Variants in EXOC6B observed in about 807,000 individuals in gnomAD.
The protein encoded by EXOC6B is exocyst complex component 6B.
EXOC6B carries 54 observed loss-of-function variants against 113.5 expected under a neutral mutation model. The observed-to-expected ratio is 0.48, with a 90% CI of 0.38 to 0.60. EXOC6B has a LOEUF of 0.60. Among genes scored for constraint, EXOC6B ranks in the 20% least tolerant of loss-of-function variants. EXOC6B has a pLI of 0.00. For missense variants in EXOC6B, 797 were observed against 977.5 expected (o/e 0.82, Z 2.46); for synonymous variants, 357 against 339.0 (o/e 1.05, Z -0.58).
chr2:72,475,558 C>T (rs1405420850), intron 17 of EXOC6B, among the ~76,000 whole-genome samples: 1 of 152,074 alleles, frequency 6.6e-6, no homozygotes, highest in African/African-American at 2.4e-5. Flanking sequence ...TGTGCTCTGG[C>T]ACAGGGGTTG....
At chr2:72,303,188 C>T (rs1235183263) in intron 20 of EXOC6B, among the ~76,000 whole-genome samples, 2 of 152,104 alleles carry the variant, frequency 1.3e-5, no homozygotes, top group Admixed American at 1.3e-4. Context: ...GAGAGATTTG[C>T]TGTTAGCCTG....
chr2:72,734,205 T>C (rs1403276204), intron 2 of EXOC6B, among the ~76,000 whole-genome samples: 1 of 152,172 alleles, frequency 6.6e-6, no homozygotes, highest in Non-Finnish European at 1.5e-5. Context: ...ATACCTGGAC[T>C]ATCATTCAAA....
At chr2:72,293,044 A>C (rs556640234) in intron 20 of EXOC6B, among the ~76,000 whole-genome samples, 107 of 152,296 alleles carry the variant, frequency 7.0e-4, no homozygotes, top group Admixed American at 1.5e-3. Context: ...CTAGGAAAAA[A>C]TGCCAGAAGT....
intron 6 of EXOC6B, among the ~76,000 whole-genome samples, chr2:72,585,049 A>C (rs1033299916): frequency 6.6e-6 from 1 of 152,202 alleles, no homozygotes; most frequent in African/African-American, 2.4e-5. Context: ...CATCTACCTA[A>C]AAAAGTTAGA....
Position 72,813,493 on chromosome 2 carries a change from A to C in EXOC6B, c.113+12305T>G, listed in dbSNP as rs559827729. Among the ~76,000 whole-genome samples the C allele has an allele frequency of 3.3e-5, 5 of 152,252 alleles. No individual in the cohort carries two copies. In the South Asian group the frequency reaches 8.3e-4, roughly 25 times the overall value. ...GGGTTTCAAGAGCTTTTCTCATTTC[A>C]CTTTCCTCTTATTTTTGCTACTCCA... On this transcript the variant is annotated intron_variant, in intron 1 of 21. Transcript: ENST00000272427.
chr2:72,673,060 T>A (rs1263454515), intron 6 of EXOC6B, among the ~76,000 whole-genome samples: 1 of 152,142 alleles, frequency 6.6e-6, no homozygotes, highest in Non-Finnish European at 1.5e-5. Context: ...GTGCATATAA[T>A]ATGTATCAAT....
intron 20 of EXOC6B, among the ~76,000 whole-genome samples, chr2:72,288,329 C>T (rs1573183733): frequency 6.6e-6 from 1 of 151,962 alleles, no homozygotes; most frequent in Non-Finnish European, 1.5e-5. Context: ...ATCCTAGGTA[C>T]ATATCCAACA....
Position 72,512,327 on chromosome 2 carries a change from G to A in EXOC6B, c.1167+805C>T, listed in dbSNP as rs200288365. Among the ~76,000 whole-genome samples, 100 of 16,948 alleles carry A rather than the reference G, an allele frequency of 5.9e-3. 1 individual carries two copies. Among genetic ancestry groups the A allele is most frequent in the African/African-American group, 0.018 (89 of 4,970 alleles). The allele number at this position is 16,948 out of a possible 152,430, so 11.1% of individuals were successfully genotyped here. ...CTTTAAGAAACACGGAAGGAAGGAA[G>A]GAAGGAAGGAAGGAAGGAAGGAAGG... is the stretch of plus-strand genomic sequence containing the variant. On this transcript the variant is annotated intron_variant, in intron 11 of 21. Coordinates refer to ENST00000272427, the MANE Select transcript of EXOC6B (RefSeq NM_015189.3).
intron 18 of EXOC6B, among the ~76,000 whole-genome samples, chr2:72,386,080 A>T (rs1692008075): frequency 6.6e-6 from 1 of 152,172 alleles, no homozygotes; most frequent in Non-Finnish European, 1.5e-5. Flanking sequence ...TTGGAGCATT[A>T]TTCACAATAG....
intron 11 of EXOC6B, among the ~76,000 whole-genome samples, chr2:72,505,786 C>T (rs964960707): frequency 1.3e-5 from 2 of 152,052 alleles, no homozygotes; most frequent in Non-Finnish European, 2.9e-5. Flanking sequence ...TGGAGGACTG[C>T]TTTTATTAGT....
chr2:72,578,988 T>C (rs910159198), intron 6 of EXOC6B, among the ~76,000 whole-genome samples: 1 of 152,166 alleles, frequency 6.6e-6, no homozygotes, highest in Non-Finnish European at 1.5e-5. Context: ...GCTTTACAAT[T>C]CAGACAAACC....
chr2:72,662,162 G>C (rs901463123), intron 6 of EXOC6B, among the ~76,000 whole-genome samples: 1 of 151,722 alleles, frequency 6.6e-6, no homozygotes, highest in African/African-American at 2.4e-5. Context: ...AGAAAGAGAA[G>C]AAACCTTGAA....
chr2:72,448,063 A>G (rs1696692624), intron 18 of EXOC6B, among the ~76,000 whole-genome samples: 1 of 152,152 alleles, frequency 6.6e-6, no homozygotes, highest in African/African-American at 2.4e-5. Flanking sequence ...GTAGAGTCCA[A>G]TTTCCTTATG....
At chr2:72,443,065 G>A (rs946685127) in intron 18 of EXOC6B, among the ~76,000 whole-genome samples, 10 of 152,066 alleles carry the variant, frequency 6.6e-5, no homozygotes, top group African/African-American at 1.9e-4. Flanking sequence ...GGTGCCTCAC[G>A]CCTGTAATCC....
At chr2:72,767,597 C>A (rs893180794) in intron 1 of EXOC6B, among the ~76,000 whole-genome samples, 12 of 149,796 alleles carry the variant, frequency 8.0e-5, no homozygotes, top group African/African-American at 3.0e-4. Flanking sequence ...TTGCTTGAGG[C>A]TAAGGAGTTT....
chr2:72,635,340 G>GA (rs1672742458), intron 6 of EXOC6B, among the ~76,000 whole-genome samples: 1 of 151,988 alleles, frequency 6.6e-6, no homozygotes, highest in Non-Finnish European at 1.5e-5. Flanking sequence ...GAAAAAAAGA[G>GA]AAAAAATACA....
At chr2:72,408,501 C>G (rs990248066) in intron 18 of EXOC6B, among the ~76,000 whole-genome samples, 1 of 152,192 alleles carries the variant, frequency 6.6e-6, no homozygotes, top group Non-Finnish European at 1.5e-5. Context: ...CAGCATGGTA[C>G]TGGTACCAAA....
At chr2:72,493,661 C>T (rs1699882028) in intron 15 of EXOC6B, among the ~76,000 whole-genome samples, 1 of 151,762 alleles carries the variant, frequency 6.6e-6, no homozygotes, top group South Asian at 2.1e-4. Context: ...AGTATGAATG[C>T]TAGAAGAGTA....
chr2:72,819,022 T>A (rs964064025), intron 1 of EXOC6B, among the ~76,000 whole-genome samples: 4 of 152,180 alleles, frequency 2.6e-5, no homozygotes, highest in African/African-American at 7.2e-5. Context: ...ATAAGCTCAA[T>A]AAGGATAGGG....
Sources: allele counts gnomAD v4.1 joint callset (sites outside exome capture counted in the v4.1 genomes callset), GRCh38; gene constraint gnomAD v4.1.1; transcripts MANE v1.5; gene names NCBI Gene and HGNC (gene_info 2026-07-23, HGNC 2026-07-21).